The following TUSC2 variants were observed in gnomAD, a reference collection of about 807,000 sequenced individuals.
TUSC2 encodes tumor suppressor 2, mitochondrial calcium regulator.
A neutral mutation model predicts 11.5 loss-of-function variants in TUSC2; 7 were observed. The ratio of observed to expected loss-of-function variants is 0.61; its 90% CI spans 0.35 to 1.14. The LOEUF is 1.14. Ranked by LOEUF, TUSC2 falls within the 50% of genes most tolerant of loss-of-function variation. The pLI is 0.03. For synonymous variants in TUSC2, 61 were observed against 64.1 expected (o/e 0.95, Z 0.23); for missense variants, 132 against 155.0 (o/e 0.85, Z 0.79).
intron 1 of TUSC2, 88 bp downstream of exon 1, chr3:50,327,866 T>C: frequency 2.2e-6 from 3 of 1,355,848 alleles, no homozygotes; most frequent in South Asian, 1.8e-5. Context: ...TTGGCTGTAG[T>C]GGGGTACAGC....
intron 1 of TUSC2, 105 bp from the exon 2 acceptor site, chr3:50,326,582 G>T (rs1369768250): frequency 1.3e-6 from 2 of 1,513,644 alleles, no homozygotes; most frequent in African/African-American, 1.4e-5. Flanking sequence ...CCCCAAGTGG[G>T]AAGAAAAGAG....
rs143031989 is a variant in TUSC2 at position 50,326,419 on chromosome 3, C to T, written c.205G>A (p.Val69Ile). Residue 69 changes from valine (V) to isoleucine (I), a missense_variant, in exon 2 of 3, where the codon GTC becomes ATC. Physicochemically the swap from Val to Ile is conservative, Grantham distance 29 (BLOSUM62 3). Around this residue, in one of 3 missense-constraint regions of TUSC2, gnomAD observed 65 missense variants for 94.0 expected, o/e 0.69. Transcript: ENST00000232496. The stretch of plus-strand genomic sequence containing the variant: ...GCCCGCTTCTGCCCGTTCTTGGTGA[C>T]GATTGTCTCCTCATAGAACTCGTGA... ...LAHEFYEETI[V>I]TKNGQKRAKL... 3.7e-6 allele frequency: 6 copies of T among 1,613,950 alleles called. No homozygotes were observed. The highest frequency in any genetic ancestry group is 1.6e-4 in the Middle Eastern group (1 of 6,062).
In TUSC2 at chr3:50,325,088, A is replaced by G. The variant is rs1702768775; in HGVS notation, c.*1033T>C. ...CTCTGCCACGACATCATCATGGACT[A>G]TTTACAAACCTTCACATTATAAGTA... On this transcript the variant is annotated 3_prime_UTR_variant, in exon 3 of 3. Transcript: ENST00000232496. This position sits in a 1 kb window ranked among gnomAD's most constrained non-coding sequence, Gnocchi z 5.1. The G allele has an allele frequency of 6.6e-6, 1 of 152,484 alleles. No homozygotes were observed. Among genetic ancestry groups the G allele is most frequent in the African/African-American group, 2.4e-5 (1 of 41,374 alleles). 9.4% of individuals were successfully genotyped at this position (152,484 alleles called of 1,614,324 possible). A position where few individuals can be genotyped will look rare whatever the true frequency, so the allele number is the denominator to read the frequency against.
rs1553717421 is a variant in TUSC2 at position 50,326,489 on chromosome 3, G to T, written c.147-12C>A. 6.2e-7 allele frequency: 1 copy of T among 1,612,806 alleles called. No individual in the cohort carries two copies. The highest frequency in any genetic ancestry group is 8.5e-7 in the Non-Finnish European group (1 of 1,179,240). ...CATAGAACATAGAGCTGTGTAGAGG[G>T]AGAAGGAAACAGGCTGGGCTGGAGC... is the stretch of plus-strand genomic sequence containing the variant. On this transcript the variant is annotated splice_polypyrimidine_tract_variant and intron_variant, in intron 1 of 2. Transcript: ENST00000232496.
chr3:50,326,104 T>C lies in TUSC2; in HGVS notation c.*17A>G. On this transcript the variant is annotated 3_prime_UTR_variant, in exon 3 of 3. Coordinates refer to ENST00000232496, the MANE Select transcript of TUSC2 (RefSeq NM_007275.3). ...CTTGCCGGGGCAGGGGGTGCTTCTGTCTGCCACCTCCCAGGGTCACACCTC... is the reference window on the plus strand; with the variant it reads ...CTTGCCGGGGCAGGGGGTGCTTCTGCCTGCCACCTCCCAGGGTCACACCTC... 1 of 1,572,900 alleles carries C rather than the reference T, an allele frequency of 6.4e-7. No individual in the cohort carries two copies. Among genetic ancestry groups the C allele is most frequent in the Non-Finnish European group, 8.6e-7 (1 of 1,158,806 alleles).
chr3:50,326,508 C>A, intron 1 of TUSC2, 31 bp from the exon 2 acceptor site: 1 of 1,609,566 alleles, frequency 6.2e-7, no homozygotes, highest in Non-Finnish European at 8.5e-7. Flanking sequence ...ACAGGCTGGG[C>A]TGGAGCCCCA....
chr3:50,327,931 C>T (rs1163957455), intron 1 of TUSC2, 23 bp downstream of exon 1: 1 of 1,448,076 alleles, frequency 6.9e-7, no homozygotes, highest in Admixed American at 2.8e-5. Flanking sequence ...TTCCCCCCGC[C>T]AGGGTGGAAC....
At chr3:50,326,802 G>A (rs1702794306) in intron 1 of TUSC2, among the ~76,000 whole-genome samples, 1 of 152,126 alleles carries the variant, frequency 6.6e-6, no homozygotes, top group Non-Finnish European at 1.5e-5. Context: ...TATTTTAGTA[G>A]AGACGGGGTT....
Position 50,326,408 on chromosome 3 carries a change from G to A in TUSC2, c.216C>T (p.Asn72=), listed in dbSNP as rs782198404. The A allele has an allele frequency of 3.6e-5, 58 of 1,613,824 alleles. No homozygotes were observed. In the Middle Eastern group the frequency reaches 8.2e-4, roughly 23 times the overall value. ...EFYEETIVTK[N]GQKRAKLRRV... is the part of the protein sequence containing the mutation. ...GCCTCAGCTTGGCCCGCTTCTGCCC[G>A]TTCTTGGTGACGATTGTCTCCTCAT... Residue 72 remains asparagine (N), a synonymous_variant, in exon 2 of 3, where the codon AAC becomes AAT. Transcript: ENST00000232496.
intron 1 of TUSC2, 99 bp downstream of exon 1, chr3:50,327,855 C>T: frequency 7.5e-7 from 1 of 1,342,060 alleles, no homozygotes; most frequent in Non-Finnish European, 9.6e-7. Flanking sequence ...GTCGTCCTGG[C>T]TTGGCTGTAG....
chr3:50,325,998 G>T lies in TUSC2; in HGVS notation c.*123C>A. ...GACCCGCTCACAGCTGAAGGTTATG[G>T]GCCAACAGAGTTTATTCAGGGTTGT... On this transcript the variant is annotated 3_prime_UTR_variant, in exon 3 of 3. Coordinates refer to ENST00000232496, the MANE Select transcript of TUSC2 (RefSeq NM_007275.3). The surrounding 1 kb of genome is among the most constrained non-coding windows in gnomAD (Gnocchi z 5.1). The T allele has an allele frequency of 8.1e-7, 1 of 1,233,910 alleles. No homozygotes were observed. Among genetic ancestry groups the T allele is most frequent in the Non-Finnish European group, 1.1e-6 (1 of 870,334 alleles). 76.4% of individuals were successfully genotyped at this position (1,233,910 alleles called of 1,614,324 possible). A position where few individuals can be genotyped will look rare whatever the true frequency, so the allele number is the denominator to read the frequency against.
intron 1 of TUSC2, chr3:50,327,101 A>G (rs1201659498): frequency 8.8e-6 from 4 of 454,064 alleles, no homozygotes; most frequent in African/African-American, 6.0e-5. Flanking sequence ...AGCCATTCTA[A>G]TATCAGGACT....
chr3:50,326,329 G>C, intron 2 of TUSC2, 28 bp downstream of exon 2: 1 of 1,613,524 alleles, frequency 6.2e-7, no homozygotes, highest in Non-Finnish European at 8.5e-7. Context: ...CTTAGTGTAG[G>C]CTCTGTGACC....
Position 50,326,339 on chromosome 3 carries a change from C to T in TUSC2, c.267+18G>A, listed in dbSNP as rs782737424. 16 of 1,613,576 alleles carry T rather than the reference C, an allele frequency of 9.9e-6. No homozygotes were observed. Among genetic ancestry groups the T allele is most frequent in the African/African-American group, 2.7e-5 (2 of 74,762 alleles). ...ACACGCTTAGTGTAGGCTCTGTGAC[C>T]GCTGCCCAGCCCCTCACCTGAGGAA... On this transcript the variant is annotated intron_variant, in intron 2 of 2. Transcript: ENST00000232496.
chr3:50,327,638 T>C (rs1425130430), intron 1 of TUSC2, among the ~76,000 whole-genome samples: 1 of 152,162 alleles, frequency 6.6e-6, no homozygotes, highest in African/African-American at 2.4e-5. Context: ...CCCTTCAGTA[T>C]GCAGGCTGAG....
chr3:50,327,815 C>T (rs1336552210), intron 1 of TUSC2, 139 bp downstream of exon 1: 2 of 1,266,368 alleles, frequency 1.6e-6, no homozygotes, highest in East Asian at 6.3e-5. Flanking sequence ...TTTCTCCACC[C>T]CCAGCTCCAA....
chr3:50,327,912 G>A, intron 1 of TUSC2, 42 bp downstream of exon 1: 1 of 1,389,564 alleles, frequency 7.2e-7, no homozygotes, highest in Non-Finnish European at 9.4e-7. Flanking sequence ...ACGCCTGGCC[G>A]CCCGCCTGTT....
intron 1 of TUSC2, 134 bp downstream of exon 1, chr3:50,327,820 C>G: frequency 7.8e-7 from 1 of 1,280,714 alleles, no homozygotes; most frequent in Non-Finnish European, 1.0e-6. Context: ...CCACCCCCAG[C>G]TCCAATGAGG....
At chr3:50,326,540 A>G in intron 1 of TUSC2, 63 bp from the exon 2 acceptor site, 1 of 1,598,384 alleles carries the variant, frequency 6.3e-7, no homozygotes. Context: ...GGCAAATGTC[A>G]CAGGTCACGG....
Sources: gnomAD v4.1 joint callset for allele counts (sites outside exome capture counted in the v4.1 genomes callset) on GRCh38, gnomAD v4.1.1 for gene constraint, gnomAD v4.1.1 regional missense constraint, Gnocchi (gnomAD v3.1) non-coding constraint, MANE v1.5 for transcripts, NCBI Gene and HGNC (gene_info 2026-07-23, HGNC 2026-07-21) for gene names.